The following ANO1 variants were observed in gnomAD, a reference collection of about 807,000 sequenced individuals.
ANO1 encodes anoctamin-1.
A neutral mutation model predicts 124.0 loss-of-function variants in ANO1; 59 were observed. The ratio of observed to expected loss-of-function variants is 0.48; its 90% confidence interval spans 0.39 to 0.59. The LOEUF (loss-of-function observed/expected upper bound fraction) is 0.59, where lower values mean the gene tolerates loss of function less well. Ranked by LOEUF, ANO1 falls within the 20% of genes least tolerant of loss-of-function variation. The probability of loss-of-function intolerance (pLI) is 0.00; values close to 1 mark genes in which losing one functional copy is unlikely to be tolerated. For missense variants in ANO1, 1,059 were observed against 1,328.0 expected (o/e 0.80, Z 3.15); for synonymous variants, 529 against 532.0 (o/e 0.99, Z 0.08).
In ANO1 at chr11:70,085,595, G is replaced by A. The variant is rs184415050; in HGVS notation, c.109-2157G>A. 3.6e-4 allele frequency: 559 copies of A among 1,535,690 alleles called. 5 individuals carry two copies. The highest frequency in any genetic ancestry group is 7.2e-4 in the African/African-American group (53 of 73,162). The stretch of plus-strand genomic sequence containing the variant: ...ATCCTAGGGCCAGAGAGGCCAAGGT[G>A]CCAGGGACATGGCCCCAACTGTCCC... On this transcript the variant is annotated intron_variant, in intron 1 of 25. Coordinates refer to ENST00000355303, the MANE Select transcript of ANO1 (RefSeq NM_018043.7).
intron 3 of ANO1, 122 bp downstream of exon 3, chr11:70,103,286 T>TTTTG (rs1361430730): frequency 5.2e-5 from 39 of 748,172 alleles, no homozygotes; most frequent in Non-Finnish European, 7.6e-5. Flanking sequence ...CCAGTGGGCT[T>TTTTG]CACGGCTACC....
At chr11:69,995,894 C>A (rs1856261055) in intron 1 of ANO1, among the ~76,000 whole-genome samples, 1 of 152,138 alleles carries the variant, frequency 6.6e-6, no homozygotes, top group Non-Finnish European at 1.5e-5. Flanking sequence ...GGGTGGATCA[C>A]CTGAGGTCAG....
intron 22 of ANO1, among the ~76,000 whole-genome samples, chr11:70,174,622 C>T (rs2048615123): frequency 6.6e-6 from 1 of 152,136 alleles, no homozygotes; most frequent in African/African-American, 2.4e-5. Flanking sequence ...TCCAGGGAAC[C>T]CCGGGAGGAA....
chr11:70,091,064 C>A (rs375049558), intron 2 of ANO1, among the ~76,000 whole-genome samples: 1 of 152,146 alleles, frequency 6.6e-6, no homozygotes, highest in African/African-American at 2.4e-5. Flanking sequence ...AGGGGCAGAG[C>A]CAGAATCTAT....
At chr11:70,083,979 T>G (rs1398932847) in intron 1 of ANO1, among the ~76,000 whole-genome samples, 1 of 152,034 alleles carries the variant, frequency 6.6e-6, no homozygotes, top group African/African-American at 2.4e-5. Context: ...AAAACCAGGT[T>G]GAATTACAAA....
chr11:70,040,687 A>G (rs1555004943), intron 1 of ANO1, among the ~76,000 whole-genome samples: 1 of 152,192 alleles, frequency 6.6e-6, no homozygotes, highest in Non-Finnish European at 1.5e-5. Context: ...ATAGAATAAA[A>G]TAAAATGTGA....
chr11:70,117,970 G>A (rs1462315158), intron 8 of ANO1, among the ~76,000 whole-genome samples: 1 of 152,144 alleles, frequency 6.6e-6, no homozygotes, highest in Non-Finnish European at 1.5e-5. Context: ...CCCATGACTT[G>A]CAGAACTCCC....
intron 2 of ANO1, among the ~76,000 whole-genome samples, chr11:70,100,828 A>G (rs1301953026): frequency 6.6e-6 from 1 of 152,200 alleles, no homozygotes; most frequent in African/African-American, 2.4e-5. Context: ...CTCTGTCAAC[A>G]TTACTATTAC....
intron 8 of ANO1, among the ~76,000 whole-genome samples, chr11:70,118,720 G>A (rs1455423441): frequency 2.6e-5 from 4 of 151,446 alleles, no homozygotes; most frequent in African/African-American, 9.7e-5. Context: ...TGGATGAGTG[G>A]GTGGATGGAT....
At position 69,992,348 on chromosome 11, in the gene ANO1, G is replaced by T. The variant is rs191233430; in HGVS notation, c.58+6182G>T. On this transcript the variant is annotated intron_variant, in intron 1 of 27. Coordinates refer to the ANO1 transcript ENST00000531349. ...TTGTTGACAACTCATTTTGTTCTAG[G>T]CACTATTGCAAGCCCTTTACTCATG... Among the ~76,000 whole-genome samples, 4 of 152,296 alleles carry T rather than the reference G, an allele frequency of 2.6e-5. No individual in the cohort carries two copies. The East Asian group carries it at 7.7e-4, about 29-fold the overall frequency.
chr11:70,039,904 C>A lies in ANO1; in HGVS notation c.59-38638C>A, dbSNP rs370441368. On this transcript the variant is annotated intron_variant, in intron 1 of 27. Coordinates refer to the ANO1 transcript ENST00000531349. ...GGTGCAACTGGATTCATAAATCCCC[C>A]CTTAACTGCTCCTGAAATTCAGGGT... Among the ~76,000 whole-genome samples the A allele has an allele frequency of 3.3e-4, 50 of 152,298 alleles. No individual in the cohort carries two copies. In the South Asian group the frequency reaches 0.01, roughly 31 times the overall value.
At chr11:70,109,266 T>C (rs1467363854) in intron 6 of ANO1, among the ~76,000 whole-genome samples, 1 of 152,124 alleles carries the variant, frequency 6.6e-6, no homozygotes, top group East Asian at 1.9e-4. Context: ...GTGGCAGGAA[T>C]GCTGTGGGAA....
intron 1 of ANO1, among the ~76,000 whole-genome samples, chr11:70,023,478 A>G (rs1252354711): frequency 2.0e-5 from 3 of 152,198 alleles, no homozygotes; most frequent in Non-Finnish European, 4.4e-5. Flanking sequence ...AGCCTTCCCC[A>G]AATGTAGATG....
At chr11:70,020,723 G>A (rs528694556) in intron 1 of ANO1, among the ~76,000 whole-genome samples, 17 of 152,362 alleles carry the variant, frequency 1.1e-4, no homozygotes, top group African/African-American at 4.1e-4. Context: ...GGGGGACAGA[G>A]TGCTGGGTGT....
rs1555000796 is a variant in ANO1 at position 70,010,160 on chromosome 11, T to TGTGC, written c.58+23997_58+23998insCGTG. The stretch of plus-strand genomic sequence containing the variant: ...GTGTGTGTGTGTGTGTGTGTGTGTG[T>TGTGC]GTGTGCGCGTGTGTGTGTGTATATA... On this transcript the variant is annotated intron_variant, in intron 1 of 27. Transcript: ENST00000531349. Among the ~76,000 whole-genome samples the TGTGC allele has an allele frequency of 7.4e-3, 463 of 62,484 alleles. 28 individuals are homozygous for TGTGC. The highest frequency in any genetic ancestry group is 0.02 in the African/African-American group (362 of 18,512). The allele number at this position is 62,484 out of a possible 152,430, so 41.0% of individuals were successfully genotyped here.
chr11:70,032,995 G>T (rs184512378), intron 1 of ANO1, among the ~76,000 whole-genome samples: 2 of 152,214 alleles, frequency 1.3e-5, no homozygotes, highest in African/African-American at 4.8e-5. Flanking sequence ...GGCACACGGC[G>T]TGCCCGGTTC....
At chr11:70,125,247 G>A (rs532653134) in intron 9 of ANO1, among the ~76,000 whole-genome samples, 5 of 152,318 alleles carry the variant, frequency 3.3e-5, no homozygotes, top group South Asian at 2.1e-4. Context: ...GGAGGCTGAG[G>A]CAGGAGAATC....
chr11:70,158,971 C>A (rs1185256263), intron 16 of ANO1, among the ~76,000 whole-genome samples: 2 of 152,074 alleles, frequency 1.3e-5, no homozygotes, highest in African/African-American at 4.8e-5. Flanking sequence ...ATAACCGGAG[C>A]CTCCCCATCC....
At chr11:70,029,041 G>C (rs1017438803) in intron 1 of ANO1, among the ~76,000 whole-genome samples, 1 of 152,086 alleles carries the variant, frequency 6.6e-6, no homozygotes, top group Non-Finnish European at 1.5e-5. Flanking sequence ...CTCGGCCTCC[G>C]AAAGTGCTGA....
Sources: gnomAD v4.1 joint callset for allele counts (sites outside exome capture counted in the v4.1 genomes callset) on GRCh38, gnomAD v4.1.1 for gene constraint, MANE v1.5 for transcripts, NCBI Gene and HGNC (gene_info 2026-07-23, HGNC 2026-07-21) for gene names.